Variants in AHDC1 observed in about 807,000 individuals in gnomAD.
AHDC1 encodes the protein transcription factor Gibbin.
AHDC1 carries 7 observed loss-of-function variants against 87.9 expected under a neutral mutation model. That is an observed-to-expected ratio of 0.08 (90% CI 0.05 to 0.15). AHDC1 has a LOEUF of 0.15. Ranked by LOEUF, AHDC1 falls within the 10% of genes least tolerant of loss-of-function variation. The probability of loss-of-function intolerance (pLI) is 1.00; values close to 1 mark genes in which losing one functional copy is unlikely to be tolerated. For synonymous variants in AHDC1, 1,051 were observed against 1,006.8 expected (o/e 1.04, Z -0.83); for missense variants, 1,841 against 2,253.2 (o/e 0.82, Z 3.70).
At chr1:27,567,268 AC>A (rs2020361878) in intron 3 of AHDC1, among the ~76,000 whole-genome samples, 1 of 152,186 alleles carries the variant, frequency 6.6e-6, no homozygotes, top group African/African-American at 2.4e-5. Context: ...GCCCAGGCCT[AC>A]CGGGCTCCAG....
At chr1:27,541,251 T>C (rs1336937649) in intron 8 of AHDC1, among the ~76,000 whole-genome samples, 1 of 152,194 alleles carries the variant, frequency 6.6e-6, no homozygotes, top group Non-Finnish European at 1.5e-5. Flanking sequence ...GTGGTCCCTG[T>C]TCCTTCTCAT....
intron 5 of AHDC1, chr1:27,553,623 G>A (rs1353442105): frequency 1.3e-5 from 2 of 152,148 alleles, no homozygotes; most frequent in Admixed American, 1.3e-4. Flanking sequence ...ACAAACATGA[G>A]ATCAATATGA....
chr1:27,593,444 G>A lies in AHDC1; in HGVS notation c.-629+9953C>T, dbSNP rs2089283710. Reference sequence around the variant, plus strand: ...AGGCAGGCTGGGACCCAGGTCCCTGGTGTCCATGGGCAAAGATGGACCCAT... The same window carrying A: ...AGGCAGGCTGGGACCCAGGTCCCTGATGTCCATGGGCAAAGATGGACCCAT... On this transcript the variant is annotated intron_variant, in intron 3 of 8. Transcript: ENST00000673934. This position sits in a 1 kb window ranked among gnomAD's most constrained non-coding sequence, Gnocchi z 4.9. Among the ~76,000 whole-genome samples the A allele has an allele frequency of 6.6e-6, 1 of 152,194 alleles. No individual in the cohort carries two copies. The highest frequency in any genetic ancestry group is 1.5e-5 in the Non-Finnish European group (1 of 68,024).
intron 3 of AHDC1, among the ~76,000 whole-genome samples, chr1:27,569,559 TCA>T (rs1239397542): frequency 6.6e-6 from 1 of 152,158 alleles, no homozygotes; most frequent in Non-Finnish European, 1.5e-5. Flanking sequence ...TACCTCGCTG[TCA>T]CAGTCTAGTA....
intron 3 of AHDC1, among the ~76,000 whole-genome samples, chr1:27,601,225 T>C (rs1177417371): frequency 6.6e-6 from 1 of 152,260 alleles, no homozygotes; most frequent in African/African-American, 2.4e-5. Flanking sequence ...TGGATTTTAC[T>C]ACAGAAAATA....
rs761320400 is a variant in AHDC1 at position 27,550,190 on chromosome 1, C to G, written c.1926G>C (p.Glu642Asp). The G allele has an allele frequency of 7.4e-6, 12 of 1,612,616 alleles. No homozygotes were observed. The highest frequency in any genetic ancestry group is 1.3e-5 in the African/African-American group (1 of 75,060). Residue 642 changes from glutamate (E) to aspartate (D), a missense_variant, in exon 8 of 9, where the codon GAG becomes GAC. By Grantham distance (45) the Glu-to-Asp change is conservative. Coordinates refer to ENST00000673934, the MANE Select transcript of AHDC1 (RefSeq NM_001371928.1). ...CSPPRCWTPS[E>D]PESVHQAPDT... ...CGGGGGCCTGGTGCACCGACTCCGG[C>G]TCACTGGGTGTCCAGCAGCGGGGCG...
intron 3 of AHDC1, among the ~76,000 whole-genome samples, chr1:27,559,914 G>A (rs1253725967): frequency 3.3e-5 from 5 of 152,200 alleles, no homozygotes; most frequent in African/African-American, 1.2e-4. Context: ...TTCTGCCTGT[G>A]CAAATGCATA....
At chr1:27,535,556 G>A (rs757865630) in intron 8 of AHDC1, among the ~76,000 whole-genome samples, 2 of 152,176 alleles carry the variant, frequency 1.3e-5, no homozygotes, top group South Asian at 2.1e-4. Flanking sequence ...CAGCACAGGT[G>A]TGAACAACTG....
chr1:27,603,321 C>G lies in AHDC1; in HGVS notation c.-629+76G>C, dbSNP rs561357854. 20 of 152,330 alleles carry G rather than the reference C, an allele frequency of 1.3e-4. No homozygotes were observed. The East Asian group carries it at 2.1e-3, about 16-fold the overall frequency. 9.4% of individuals were successfully genotyped at this position (152,330 alleles called of 1,614,324 possible). A position where few individuals can be genotyped will look rare whatever the true frequency, so the allele number is the denominator to read the frequency against. On this transcript the variant is annotated intron_variant, in intron 3 of 8. Coordinates refer to ENST00000673934, the MANE Select transcript of AHDC1 (RefSeq NM_001371928.1). ...ACCGGACCGGGGGACGCAGGCCCCC[C>G]CCGTGCGCTGCACAAAAGAGCCTGG...
intron 3 of AHDC1, among the ~76,000 whole-genome samples, chr1:27,581,702 C>T (rs1186912397): frequency 6.6e-6 from 1 of 152,216 alleles, no homozygotes; most frequent in Non-Finnish European, 1.5e-5. Context: ...CTACATCTTC[C>T]TCAAATCCCA....
chr1:27,543,351 G>C (rs754059392), intron 8 of AHDC1, among the ~76,000 whole-genome samples: 16 of 152,252 alleles, frequency 1.1e-4, no homozygotes, highest in Non-Finnish European at 1.5e-4. Flanking sequence ...TAGAGGCCCA[G>C]AGAAGATGTC....
At chr1:27,535,821 GGATCTGACT>G (rs1490105259) in intron 8 of AHDC1, among the ~76,000 whole-genome samples, 1 of 152,022 alleles carries the variant, frequency 6.6e-6, no homozygotes, top group Non-Finnish European at 1.5e-5. Context: ...GGGGCCCTGG[GGATCTGACT>G]TCCCTACCCA....
Position 27,565,496 on chromosome 1 carries a change from A to C in AHDC1, c.-628-6613T>G, listed in dbSNP as rs1333697953. Among the ~76,000 whole-genome samples, 2 of 152,204 alleles carry C rather than the reference A, an allele frequency of 1.3e-5. No individual in the cohort carries two copies. Among genetic ancestry groups the C allele is most frequent in the Non-Finnish European group, 2.9e-5 (2 of 68,032 alleles). On this transcript the variant is annotated intron_variant, in intron 3 of 8. Transcript: ENST00000673934. This position sits in a 1 kb window ranked among gnomAD's most constrained non-coding sequence, Gnocchi z 4.6. ...GGAGGCGAGGCACTGTCCTCCACCC[A>C]ACCCTTAAGGAGACAGGACCCTGAT...
Position 27,602,169 on chromosome 1 carries a change from A to G in AHDC1, c.-629+1228T>C, listed in dbSNP as rs1218748725. Among the ~76,000 whole-genome samples, 9 of 152,132 alleles carry G rather than the reference A, an allele frequency of 5.9e-5. No individual in the cohort carries two copies. In the East Asian group the frequency reaches 1.7e-3, roughly 30 times the overall value. On this transcript the variant is annotated intron_variant, in intron 3 of 8. Coordinates refer to ENST00000673934, the MANE Select transcript of AHDC1 (RefSeq NM_001371928.1). ...CACCAGGCTCAGCCCCTCCCAGCCCAGCCCCAGGGCCCCCAAGCTGGGAGG... is the reference window on the plus strand; with the variant it reads ...CACCAGGCTCAGCCCCTCCCAGCCCGGCCCCAGGGCCCCCAAGCTGGGAGG...
chr1:27,548,402 C>T lies in AHDC1; in HGVS notation c.3714G>A (p.Lys1238=). Residue 1238 remains lysine (K), a synonymous_variant, in exon 8 of 9, where the codon AAG becomes AAA. Coordinates refer to ENST00000673934, the MANE Select transcript of AHDC1 (RefSeq NM_001371928.1). ...GATGTGAGGCCTCGAACAGGTCCAC[C>T]TTCTTCCGCCGTCCACGGCCCGGCT... ...SSKPGRGRRK[K]VDLFEASHLG... is the part of the protein sequence containing the mutation. 5 of 1,610,018 alleles carry T rather than the reference C, an allele frequency of 3.1e-6. No individual in the cohort carries two copies. Among genetic ancestry groups the T allele is most frequent in the Non-Finnish European group, 4.2e-6 (5 of 1,176,942 alleles).
rs1435818645 is a variant in AHDC1, at chr1:27,595,122, G to T, written c.-629+8275C>A. ...GATCTGTTAGAGATATACTAGAACCGAAGCCATGTCTGTGTGTTTGAGGCA... is the reference window on the plus strand; with the variant it reads ...GATCTGTTAGAGATATACTAGAACCTAAGCCATGTCTGTGTGTTTGAGGCA... On this transcript the variant is annotated intron_variant, in intron 3 of 8. Coordinates refer to ENST00000673934, the MANE Select transcript of AHDC1 (RefSeq NM_001371928.1). This position sits in a 1 kb window ranked among gnomAD's most constrained non-coding sequence, Gnocchi z 4.0. 3.9e-5 allele frequency among the ~76,000 whole-genome samples: 6 copies of T among 152,094 alleles called. No homozygotes were observed. The highest frequency in any genetic ancestry group is 2.6e-4 in the Admixed American group (4 of 15,276).
intron 3 of AHDC1, among the ~76,000 whole-genome samples, chr1:27,575,504 G>C (rs1345059347): frequency 1.3e-5 from 2 of 152,000 alleles, no homozygotes; most frequent in African/African-American, 4.8e-5. Context: ...CCCTAGGGTC[G>C]GGCGCCAGGC....
intron 8 of AHDC1, among the ~76,000 whole-genome samples, chr1:27,540,435 C>T (rs1376910886): frequency 1.3e-5 from 2 of 151,076 alleles, no homozygotes; most frequent in East Asian, 3.9e-4. Flanking sequence ...ATGTCCCAGG[C>T]ATGATGAGAC....
intron 3 of AHDC1, among the ~76,000 whole-genome samples, chr1:27,594,878 T>C (rs1360143708): frequency 6.6e-6 from 1 of 152,062 alleles, no homozygotes; most frequent in Non-Finnish European, 1.5e-5. Context: ...TGCAGGGTTG[T>C]GACTAGCTGA....
Sources: gnomAD v4.1 joint callset for allele counts (sites outside exome capture counted in the v4.1 genomes callset) on GRCh38, gnomAD v4.1.1 for gene constraint, Gnocchi (gnomAD v3.1) non-coding constraint, MANE v1.5 for transcripts, NCBI Gene and HGNC (gene_info 2026-07-23, HGNC 2026-07-21) for gene names.